The following CDH7 variants were observed in gnomAD, a reference collection of about 807,000 sequenced individuals.
CDH7 encodes cadherin 7, also known as cadherin-7.
A neutral mutation model predicts 71.8 loss-of-function variants in CDH7; 25 were observed. The ratio of observed to expected loss-of-function variants is 0.35; its 90% CI spans 0.25 to 0.49. The LOEUF is 0.49. Among genes scored for constraint, CDH7 ranks in the 20% least tolerant of loss-of-function variants. The pLI is 0.99. For missense variants in CDH7, 862 were observed against 974.6 expected (o/e 0.88, Z 1.54); for synonymous variants, 381 against 363.8 (o/e 1.05, Z -0.54).
chr18:65,839,347 G>C (rs1180079367), intron 6 of CDH7, among the ~76,000 whole-genome samples: 1 of 152,108 alleles, frequency 6.6e-6, no homozygotes, highest in East Asian at 1.9e-4. Context: ...TTCATACACA[G>C]CCATATCCTG....
chr18:65,780,918 G>GTTTT (rs35645871), intron 2 of CDH7, among the ~76,000 whole-genome samples: 8 of 104,840 alleles, frequency 7.6e-5, no homozygotes, highest in African/African-American at 1.2e-4. Context: ...CTCTATTCCT[G>GTTTT]TTTTTTTTTT....
chr18:65,779,990 G>T (rs1391643908), intron 2 of CDH7, among the ~76,000 whole-genome samples: 1 of 107,148 alleles, frequency 9.3e-6, no homozygotes, highest in Non-Finnish European at 1.7e-5. Context: ...TTTAATGATT[G>T]CCATTCTAAC....
chr18:65,776,694 GT>G (rs1490233378), intron 2 of CDH7, among the ~76,000 whole-genome samples: 2 of 152,194 alleles, frequency 1.3e-5, no homozygotes, highest in African/African-American at 4.8e-5. Context: ...ATTCATTGAA[GT>G]TTGGCTCCAA....
intron 2 of CDH7, among the ~76,000 whole-genome samples, chr18:65,782,165 C>CCTTTCTTT (rs1390509392): frequency 3.9e-5 from 1 of 25,508 alleles, no homozygotes; most frequent in African/African-American, 1.8e-4. Flanking sequence ...TTTCTTTCTT[C>CCTTTCTTT]CTTTCTTTCT....
chr18:65,859,472 A>G (rs568895920), intron 9 of CDH7, among the ~76,000 whole-genome samples: 3 of 152,286 alleles, frequency 2.0e-5, no homozygotes, highest in African/African-American at 7.2e-5. Context: ...ATCAATTGGA[A>G]CAGCTTATTT....
chr18:65,851,018 G>A (rs1913132515), intron 7 of CDH7, among the ~76,000 whole-genome samples: 1 of 151,918 alleles, frequency 6.6e-6, no homozygotes, highest in Admixed American at 6.6e-5. Flanking sequence ...TGCCTAGGCT[G>A]GTCTCTAAGT....
rs1914335167 is a variant in CDH7 at position 65,885,137 on chromosome 18, A to G, written c.*4243A>G. 3.9e-5 allele frequency: 6 copies of G among 152,138 alleles called. No individual in the cohort carries two copies. In the South Asian group the frequency reaches 1.2e-3, roughly 31 times the overall value. The allele number at this position is 152,138 out of a possible 1,614,324, so 9.4% of individuals were successfully genotyped here. ...GGATATAATAAAGAACAAGAAAGGAATAATAGCATTTGCATTTTAAATGTA... is the reference window on the plus strand; with the variant it reads ...GGATATAATAAAGAACAAGAAAGGAGTAATAGCATTTGCATTTTAAATGTA... On this transcript the variant is annotated 3_prime_UTR_variant, in exon 12 of 12. Coordinates refer to ENST00000397968, the MANE Select transcript of CDH7 (RefSeq NM_004361.5).
chr18:65,782,028 C>G lies in CDH7; in HGVS notation c.210+18976C>G, dbSNP rs369390640. Among the ~76,000 whole-genome samples the G allele has an allele frequency of 5.4e-4, 18 of 33,594 alleles. 2 individuals are homozygous for G. The South Asian group carries it at 0.021, about 39-fold the overall frequency. 22.0% of individuals were successfully genotyped at this position (33,594 alleles called of 152,430 possible). On this transcript the variant is annotated intron_variant, in intron 2 of 11. Transcript: ENST00000397968. The stretch of plus-strand genomic sequence containing the variant: ...TTTCTCTCTTTCTCTCTCTCTTTCT[C>G]CCTTCCTTCCTTCCTTCCTTCCTTC...
At chr18:65,833,121 AAAT>A (rs1266880900) in intron 6 of CDH7, among the ~76,000 whole-genome samples, 2 of 152,196 alleles carry the variant, frequency 1.3e-5, no homozygotes, top group African/African-American at 4.8e-5. Flanking sequence ...AATGAAGTCA[AAAT>A]AATACAGCAT....
intron 7 of CDH7, among the ~76,000 whole-genome samples, chr18:65,845,215 A>C (rs1912894121): frequency 2.0e-5 from 3 of 151,698 alleles, no homozygotes; most frequent in Admixed American, 2.0e-4. Flanking sequence ...ATATGTATAT[A>C]TATACATACA....
chr18:65,885,479 A>C lies in CDH7; in HGVS notation c.*4585A>C, dbSNP rs1054942776. 7.0e-6 allele frequency: 1 copy of C among 143,718 alleles called. No individual in the cohort carries two copies. The highest frequency in any genetic ancestry group is 2.6e-5 in the African/African-American group (1 of 38,816). 8.9% of individuals were successfully genotyped at this position (143,718 alleles called of 1,614,324 possible). On this transcript the variant is annotated 3_prime_UTR_variant, in exon 12 of 12. Transcript: ENST00000397968. ...TGCAAGCTCCGCCTCCAGGGTTCAC[A>C]CCGTTCTCCTGCCTCAACCTCCGGA...
Position 65,785,595 on chromosome 18 carries a change from G to GA in CDH7, c.210+22551dup, listed in dbSNP as rs35149139. ...ATAGGAGAAAACCTCTAAAATCTTT[G>GA]AAAAAAAAGAAAAAAAAACTAAGTG... On this transcript the variant is annotated intron_variant, in intron 2 of 11. Transcript: ENST00000397968. 2.3e-3 allele frequency among the ~76,000 whole-genome samples: 337 copies of GA among 148,640 alleles called. 3 individuals are homozygous for GA. The highest frequency in any genetic ancestry group is 7.9e-3 in the African/African-American group (322 of 40,542).
At chr18:65,817,680 C>T (rs1568201386) in intron 4 of CDH7, among the ~76,000 whole-genome samples, 1 of 152,186 alleles carries the variant, frequency 6.6e-6, no homozygotes, top group Admixed American at 6.5e-5. Context: ...AGAGTTTTCT[C>T]AGCTAATCAG....
At chr18:65,818,678 A>G (rs1348455777) in intron 4 of CDH7, among the ~76,000 whole-genome samples, 3 of 152,250 alleles carry the variant, frequency 2.0e-5, no homozygotes. Context: ...ATACCTATTC[A>G]GTTCATTACC....
chr18:65,821,516 AAATAAAT>A (rs2058586665), intron 4 of CDH7, among the ~76,000 whole-genome samples: 1 of 152,176 alleles, frequency 6.6e-6, no homozygotes, highest in South Asian at 2.1e-4. Context: ...TAATGTCAAA[AAATAAAT>A]AAGCAACGTG....
chr18:65,807,553 C>T (rs1911369388), intron 2 of CDH7, among the ~76,000 whole-genome samples: 1 of 152,192 alleles, frequency 6.6e-6, no homozygotes. Context: ...TTGCACACCA[C>T]TGTCAGCAGT....
At chr18:65,849,853 T>G (rs1913082669) in intron 7 of CDH7, among the ~76,000 whole-genome samples, 1 of 152,272 alleles carries the variant, frequency 6.6e-6, no homozygotes, top group South Asian at 2.1e-4. Flanking sequence ...TTTCTTACAG[T>G]ATTTTTCATA....
chr18:65,801,974 C>T (rs923488174), intron 2 of CDH7, among the ~76,000 whole-genome samples: 7 of 152,208 alleles, frequency 4.6e-5, no homozygotes, highest in Admixed American at 2.0e-4. Context: ...CATACCTTCT[C>T]CAAAATGCCA....
intron 7 of CDH7, 44 bp downstream of exon 7, chr18:65,844,109 G>A: frequency 6.4e-7 from 1 of 1,565,792 alleles, no homozygotes; most frequent in Non-Finnish European, 8.7e-7. Flanking sequence ...TACAAACAAT[G>A]CATTCTTGTT....
Sources: gnomAD v4.1 joint callset for allele counts (sites outside exome capture counted in the v4.1 genomes callset) on GRCh38, gnomAD v4.1.1 for gene constraint, MANE v1.5 for transcripts, NCBI Gene and HGNC (gene_info 2026-07-23, HGNC 2026-07-21) for gene names.